The following MECOM variants were observed in gnomAD, a reference collection of about 807,000 sequenced individuals.
The protein encoded by MECOM is histone-lysine N-methyltransferase MECOM.
A neutral mutation model predicts 116.3 loss-of-function variants in MECOM; 13 were observed. The observed-to-expected ratio is 0.11, with a 90% CI of 0.07 to 0.18. The LOEUF (loss-of-function observed/expected upper bound fraction) is 0.18, where lower values mean the gene tolerates loss of function less well. MECOM is among the 10% of genes least tolerant of loss of function. The pLI is 1.00. For synonymous variants in MECOM, 528 were observed against 535.2 expected, an observed-to-expected ratio of 0.99 and a Z score of 0.19; for missense variants, 1,299 against 1,509.0, an observed-to-expected ratio of 0.86 and a Z score of 2.31.
At chr3:169,360,620 ATAT>A (rs1728143421) in intron 2 of MECOM, among the ~76,000 whole-genome samples, 1 of 151,804 alleles carries the variant, frequency 6.6e-6, no homozygotes, top group African/African-American at 2.4e-5. Flanking sequence ...TTTAGTTATG[ATAT>A]TATTCTCAGT....
chr3:169,443,960 A>G (rs951173190), intron 1 of MECOM, among the ~76,000 whole-genome samples: 1 of 152,148 alleles, frequency 6.6e-6, no homozygotes, highest in Admixed American at 6.5e-5. Flanking sequence ...TAAATAGAGA[A>G]TTTCTTATAA....
At chr3:169,146,914 T>C (rs1740107066) in intron 2 of MECOM, 1 of 1,030,292 alleles carries the variant, frequency 9.7e-7, no homozygotes, top group Non-Finnish European at 1.2e-6. Context: ...GATTTCCAAA[T>C]GGGTCTCTGA....
intron 1 of MECOM, among the ~76,000 whole-genome samples, chr3:169,602,955 A>T (rs534074113): frequency 6.6e-6 from 1 of 152,332 alleles, no homozygotes; most frequent in East Asian, 1.9e-4. Flanking sequence ...CCCCCAATAC[A>T]TATATTCACT....
chr3:169,434,670 G>T (rs557777086), intron 1 of MECOM, among the ~76,000 whole-genome samples: 19 of 152,278 alleles, frequency 1.2e-4, no homozygotes, highest in South Asian at 8.3e-4. Context: ...AAAATGAACT[G>T]GGGTTGAGGT....
intron 1 of MECOM, among the ~76,000 whole-genome samples, chr3:169,559,046 GCACACA>G (rs113971910): frequency 6.7e-6 from 1 of 148,394 alleles, no homozygotes; most frequent in Non-Finnish European, 1.5e-5. Context: ...ACACACACGC[GCACACA>G]CACACACACA....
intron 2 of MECOM, among the ~76,000 whole-genome samples, chr3:169,258,859 A>G (rs1200784737): frequency 6.6e-6 from 1 of 152,220 alleles, no homozygotes; most frequent in African/African-American, 2.4e-5. Flanking sequence ...GTGTTCAGTT[A>G]AAAGTGCCTT....
chr3:169,284,776 A>C (rs1712923354), intron 2 of MECOM, among the ~76,000 whole-genome samples: 1 of 152,208 alleles, frequency 6.6e-6, no homozygotes, highest in African/African-American at 2.4e-5. Flanking sequence ...GGTGAATGAC[A>C]CAGTGAAATA....
intron 1 of MECOM, among the ~76,000 whole-genome samples, chr3:169,417,025 A>G (rs1270713794): frequency 6.6e-6 from 1 of 152,042 alleles, no homozygotes; most frequent in Non-Finnish European, 1.5e-5. Context: ...CCTAGGCATT[A>G]CCATTCAGGA....
At chr3:169,497,044 A>G (rs114030979) in intron 1 of MECOM, among the ~76,000 whole-genome samples, 213 of 152,326 alleles carry the variant, frequency 1.4e-3, no homozygotes, top group Middle Eastern at 3.4e-3. Flanking sequence ...AAGAGTTTAT[A>G]AATTCATAAC....
intron 1 of MECOM, among the ~76,000 whole-genome samples, chr3:169,490,937 T>C (rs1395758171): frequency 6.6e-6 from 1 of 152,096 alleles, no homozygotes; most frequent in Non-Finnish European, 1.5e-5. Flanking sequence ...TTGCCCAGGA[T>C]GGTCTGTAAT....
chr3:169,321,752 T>C (rs2149753229), intron 2 of MECOM, among the ~76,000 whole-genome samples: 1 of 152,108 alleles, frequency 6.6e-6, no homozygotes, highest in Admixed American at 6.5e-5. Context: ...AGGTCAAACA[T>C]GAACAGCAGT....
intron 7 of MECOM, 120 bp downstream of exon 7, chr3:169,120,936 G>T: frequency 1.0e-6 from 1 of 985,274 alleles, no homozygotes; most frequent in Non-Finnish European, 1.4e-6. Context: ...CTACTGGATT[G>T]GACCATAAAT....
chr3:169,167,943 G>A (rs60577238), intron 2 of MECOM, among the ~76,000 whole-genome samples: 13 of 150,790 alleles, frequency 8.6e-5, no homozygotes, highest in African/African-American at 2.9e-4. Flanking sequence ...ACTCTGATTC[G>A]GTAAAAGAAT....
At chr3:169,101,945 A>T in intron 11 of MECOM, 115 bp downstream of exon 11, 1 of 956,992 alleles carries the variant, frequency 1.0e-6, no homozygotes, top group Non-Finnish European at 1.5e-6. Flanking sequence ...CTGGAGATCT[A>T]TTATGGTGGC....
chr3:169,341,260 G>GAATCCATGTTGGATTCCATAATGGAA (rs1724451091), intron 2 of MECOM, among the ~76,000 whole-genome samples: 1 of 151,994 alleles, frequency 6.6e-6, no homozygotes, highest in Non-Finnish European at 1.5e-5. Context: ...GATGGAACTG[G>GAATCCATGTTGGATTCCATAATGGAA]AGGTCATTAT....
intron 2 of MECOM, among the ~76,000 whole-genome samples, chr3:169,265,854 G>C (rs1758221870): frequency 6.6e-6 from 1 of 152,206 alleles, no homozygotes; most frequent in African/African-American, 2.4e-5. Context: ...TAGTGTGGTA[G>C]TCAGTGGACA....
chr3:169,419,338 C>A (rs1560249652), intron 1 of MECOM, among the ~76,000 whole-genome samples: 1 of 152,120 alleles, frequency 6.6e-6, no homozygotes, highest in Non-Finnish European at 1.5e-5. Context: ...TTTATAGATT[C>A]AATGTTATCC....
intron 2 of MECOM, among the ~76,000 whole-genome samples, chr3:169,212,287 A>G (rs1042849961): frequency 6.6e-6 from 1 of 151,870 alleles, no homozygotes; most frequent in African/African-American, 2.4e-5. Flanking sequence ...GACAACATAA[A>G]TCAGATCATG....
intron 2 of MECOM, among the ~76,000 whole-genome samples, chr3:169,315,699 G>A (rs1719619341): frequency 6.6e-6 from 1 of 152,116 alleles, no homozygotes; most frequent in African/African-American, 2.4e-5. Flanking sequence ...AACCCAAAGA[G>A]CGCCAGATTA....
Sources: allele counts gnomAD v4.1 joint callset (sites outside exome capture counted in the v4.1 genomes callset), GRCh38; gene constraint gnomAD v4.1.1; transcripts MANE v1.5; gene names NCBI Gene and HGNC (gene_info 2026-07-23, HGNC 2026-07-21).